Variants in EYA1 observed in about 807,000 individuals in gnomAD.
EYA1 encodes protein phosphatase EYA1.
Under a neutral mutation model 82.0 loss-of-function variants are expected in EYA1, and 16 were observed. That is an observed-to-expected ratio of 0.20 (90% CI 0.13 to 0.30). The LOEUF (loss-of-function observed/expected upper bound fraction) is 0.30, where lower values mean the gene tolerates loss of function less well. Among genes scored for constraint, EYA1 ranks in the 10% least tolerant of loss-of-function variants. The pLI, the probability that EYA1 is intolerant of heterozygous loss-of-function variation, is 1.00. For missense variants in EYA1, 633 were observed against 730.7 expected (o/e 0.87, Z 1.54); for synonymous variants, 261 against 264.4 (o/e 0.99, Z 0.12).
At chr8:71,493,777 A>T (rs2129227709) in intron 2 of EYA1, among the ~76,000 whole-genome samples, 1 of 151,362 alleles carries the variant, frequency 6.6e-6, no homozygotes, top group East Asian at 1.9e-4. Flanking sequence ...TAATCCCAGC[A>T]CTTTGGGAGG....
chr8:71,334,248 A>G (rs748012569), intron 3 of EYA1, 74 bp from the exon 4 acceptor site: 10 of 1,101,174 alleles, frequency 9.1e-6, no homozygotes, highest in Middle Eastern at 2.0e-4. Flanking sequence ...AAGATATAAC[A>G]TTCAGAGTAA....
rs368320173 is a variant in EYA1, at chr8:71,211,204, C to T, written c.1650G>A (p.Val550=). The change falls in exon 17 of 18, where the codon GTG becomes GTA. Residue 550 remains valine, a synonymous_variant. Transcript: ENST00000340726. Reference sequence around the variant, plus strand: ...CTACACCATCTCCTATAACAACATACACCACTTTTCTTCCAAACCTTTGAA... The same window carrying T: ...CTACACCATCTCCTATAACAACATATACCACTTTTCTTCCAAACCTTTGAA... ...RIIQRFGRKV[V]YVVIGDGVEE... is the part of the protein sequence containing the mutation. 8.1e-6 allele frequency: 13 copies of T among 1,613,740 alleles called. No individual in the cohort carries two copies. The highest frequency in any genetic ancestry group is 6.7e-5 in the East Asian group (3 of 44,866).
chr8:71,443,609 A>G (rs571611380), intron 2 of EYA1, among the ~76,000 whole-genome samples: 17 of 152,298 alleles, frequency 1.1e-4, no homozygotes, highest in Admixed American at 9.2e-4. Context: ...ACAGTGCTAT[A>G]ATGACTATAC....
chr8:71,351,472 GTTAAC>G (rs1826300269), intron 3 of EYA1, among the ~76,000 whole-genome samples: 1 of 152,150 alleles, frequency 6.6e-6, no homozygotes, highest in Admixed American at 6.6e-5. Flanking sequence ...CCAATCAACA[GTTAAC>G]TTCAACAGTA....
chr8:71,494,444 G>T (rs569590355), intron 2 of EYA1, among the ~76,000 whole-genome samples: 9 of 151,934 alleles, frequency 5.9e-5, no homozygotes, highest in Non-Finnish European at 1.2e-4. Context: ...AAATGAAGAC[G>T]TAATCAATAG....
chr8:71,224,845 C>T (rs1810369965), intron 12 of EYA1, among the ~76,000 whole-genome samples: 1 of 152,208 alleles, frequency 6.6e-6, no homozygotes, highest in South Asian at 2.1e-4. Context: ...TAACTCTCAA[C>T]TCTCCAGATA....
intron 11 of EYA1, among the ~76,000 whole-genome samples, chr8:71,246,369 G>T (rs963143516): frequency 6.6e-6 from 1 of 152,208 alleles, no homozygotes; most frequent in African/African-American, 2.4e-5. Flanking sequence ...GTCATGATAT[G>T]TGTGTCATGT....
intron 11 of EYA1, among the ~76,000 whole-genome samples, chr8:71,263,134 A>G (rs1184006304): frequency 6.6e-6 from 1 of 152,106 alleles, no homozygotes; most frequent in African/African-American, 2.4e-5. Context: ...CTACCTGTTC[A>G]CTAAAACCCA....
intron 10 of EYA1, among the ~76,000 whole-genome samples, chr8:71,270,476 T>C (rs1244427825): frequency 6.6e-6 from 1 of 152,212 alleles, no homozygotes; most frequent in Non-Finnish European, 1.5e-5. Context: ...ACTGAAGGAA[T>C]TCATTTCAAA....
At chr8:71,499,253 G>T (rs1811642436) in intron 2 of EYA1, among the ~76,000 whole-genome samples, 1 of 152,138 alleles carries the variant, frequency 6.6e-6, no homozygotes, top group African/African-American at 2.4e-5. Flanking sequence ...TCCTTTCTTT[G>T]TGATGACTTC....
intron 3 of EYA1, among the ~76,000 whole-genome samples, chr8:71,345,282 G>C (rs117939910): frequency 0.01 from 1,525 of 152,312 alleles, 13 homozygotes; most frequent in Non-Finnish European, 0.016. Context: ...ATAATAGCCA[G>C]TGGACATTGA....
At chr8:71,322,507 G>T in intron 4 of EYA1, 1 of 521,340 alleles carries the variant, frequency 1.9e-6, no homozygotes, top group Non-Finnish European at 3.4e-6. Context: ...CTTAGAAAAC[G>T]TCATCACAAT....
At chr8:71,314,444 T>C (rs1471556371) in intron 7 of EYA1, among the ~76,000 whole-genome samples, 1 of 152,212 alleles carries the variant, frequency 6.6e-6, no homozygotes, top group African/African-American at 2.4e-5. Context: ...TCATCTGGCT[T>C]AATATGTGGA....
At chr8:71,479,526 A>ACACTACTG (rs750852613) in intron 2 of EYA1, among the ~76,000 whole-genome samples, 2 of 151,458 alleles carry the variant, frequency 1.3e-5, no homozygotes, top group Non-Finnish European at 2.9e-5. Flanking sequence ...TCTGTATTGC[A>ACACTACTG]CACTACTGTC....
chr8:71,214,180 G>A (rs572652551), intron 16 of EYA1, among the ~76,000 whole-genome samples: 6 of 152,066 alleles, frequency 3.9e-5, no homozygotes, highest in Admixed American at 1.3e-4. Context: ...CCACCTGCTA[G>A]AATGCTCATA....
At chr8:71,533,685 G>GT (rs1814476983) in intron 2 of EYA1, among the ~76,000 whole-genome samples, 1 of 152,156 alleles carries the variant, frequency 6.6e-6, no homozygotes. Context: ...AAGCAAAGGA[G>GT]TAACCTGAGA....
At chr8:71,362,150 G>GGTT, upstream of EYA1, 1 of 753,726 alleles carries the variant, frequency 1.3e-6, no homozygotes, top group Non-Finnish European at 1.6e-6. Flanking sequence ...GAGCCTCGGG[G>GGTT]CTTTCTTTTT....
In EYA1 at chr8:71,455,233, A is replaced by G. The variant is rs143456704; in HGVS notation, c.33+80511T>C. On this transcript the variant is annotated intron_variant, in intron 2 of 18. Coordinates refer to the EYA1 transcript ENST00000643681. ...AGAAGTTGAATCGCTGAATAGACCA[A>G]TAAGAGGTTCTTAAATTGAGGCAAT... is the stretch of plus-strand genomic sequence containing the variant. Among the ~76,000 whole-genome samples the G allele has an allele frequency of 4.7e-4, 72 of 152,346 alleles. No homozygotes were observed. The East Asian group carries it at 5.6e-3, about 12-fold the overall frequency.
intron 2 of EYA1, among the ~76,000 whole-genome samples, chr8:71,421,263 C>T (rs1831132741): frequency 6.6e-6 from 1 of 152,142 alleles, no homozygotes; most frequent in South Asian, 2.1e-4. Flanking sequence ...CCCCCTGAAA[C>T]TTAGATGAAT....
Sources: allele counts gnomAD v4.1 joint callset (sites outside exome capture counted in the v4.1 genomes callset), GRCh38; gene constraint gnomAD v4.1.1; transcripts MANE v1.5; gene names NCBI Gene and HGNC (gene_info 2026-07-23, HGNC 2026-07-21).